Variants in SLC6A16 observed in about 807,000 individuals in gnomAD.
SLC6A16 encodes solute carrier family 6 member 16.
Under a neutral mutation model 65.4 loss-of-function variants are expected in SLC6A16, and 54 were observed. That is an observed-to-expected ratio of 0.83 (90% CI 0.66 to 1.04). The LOEUF (loss-of-function observed/expected upper bound fraction) is 1.04, where lower values mean the gene tolerates loss of function less well. Among genes scored for constraint, SLC6A16 ranks in the 50% least tolerant of loss-of-function variants. The pLI, the probability that SLC6A16 is intolerant of heterozygous loss-of-function variation, is 0.00. For synonymous variants in SLC6A16, 330 were observed against 346.5 expected (o/e 0.95, Z 0.53); for missense variants, 816 against 914.0 (o/e 0.89, Z 1.38).
chr19:49,325,938 T>C (rs1600659407), upstream of SLC6A16, among the ~76,000 whole-genome samples: 2 of 151,232 alleles, frequency 1.3e-5, no homozygotes, highest in South Asian at 4.2e-4. Context: ...CCAAGGCGGG[T>C]GGATCACGAG....
Position 49,309,733 on chromosome 19 carries a change from A to G in SLC6A16, c.794T>C (p.Val265Ala). The G allele has an allele frequency of 1.2e-6, 2 of 1,613,712 alleles. No homozygotes were observed. The highest frequency in any genetic ancestry group is 1.7e-6 in the Non-Finnish European group (2 of 1,179,654). ...SDRIEDGGSP[V>A]YSLVLPFFLC... is the part of the protein sequence containing the mutation. ...AAAGAAGGGCAGGACCAGACTGTAG[A>G]CTGGTGACCCGCCATCCTCGATTCT... The change falls in exon 5 of 12, where the codon GTC (valine) becomes GCC (alanine). Residue 265 changes from valine to alanine, a missense_variant. Transcript: ENST00000335875.
chr19:49,304,968 T>C (rs1005660632), intron 7 of SLC6A16, among the ~76,000 whole-genome samples: 3 of 152,216 alleles, frequency 2.0e-5, no homozygotes, highest in Admixed American at 2.0e-4. Context: ...TAATTTGGCA[T>C]CATCTGTGAA....
Position 49,294,038 on chromosome 19 carries a change from G to T in SLC6A16, c.1417-10C>A. On this transcript the variant is annotated splice_polypyrimidine_tract_variant and intron_variant, in intron 8 of 11. Coordinates refer to ENST00000335875, the MANE Select transcript of SLC6A16 (RefSeq NM_014037.3). ...TTGGGCCCTCGCTAGCCTGCAAAGA[G>T]AACAAAGAGGTGTTAAAGTGTCATT... 6.2e-7 allele frequency: 1 copy of T among 1,606,396 alleles called. No individual in the cohort carries two copies. Among genetic ancestry groups the T allele is most frequent in the South Asian group, 1.1e-5 (1 of 90,996 alleles).
intron 7 of SLC6A16, among the ~76,000 whole-genome samples, chr19:49,299,064 T>C (rs987410366): frequency 5.3e-5 from 8 of 151,604 alleles, no homozygotes; most frequent in African/African-American, 1.9e-4. Flanking sequence ...GCTAACACGG[T>C]GAAACCCCGT....
chr19:49,311,948 C>CT (rs576514117), intron 1 of SLC6A16, among the ~76,000 whole-genome samples: 3,469 of 142,660 alleles, frequency 0.024, 121 homozygotes, highest in African/African-American at 0.072. Context: ...CAAAGGATTT[C>CT]TTTTTTTTTT....
chr19:49,299,667 C>G (rs1037607022), intron 7 of SLC6A16, among the ~76,000 whole-genome samples: 1 of 144,184 alleles, frequency 6.9e-6, no homozygotes, highest in African/African-American at 2.6e-5. Context: ...GATTTCAAAA[C>G]ACAGTGAAAG....
chr19:49,294,427 G>A lies in SLC6A16; in HGVS notation c.1356C>T (p.His452=), dbSNP rs751335317. ...CCTCGCGGAGAACCATGCTTTTGAT[G>A]TGCTGGGGAAGGCCACTGAGCCAGG... The part of the protein sequence containing the change: ...YNAWLSGLPQ[H]IKSMVLREVT... Residue 452 remains histidine (H), a synonymous_variant, in exon 8 of 12, where the codon CAC becomes CAT. Coordinates refer to ENST00000335875, the MANE Select transcript of SLC6A16 (RefSeq NM_014037.3). 6.2e-7 allele frequency: 1 copy of A among 1,614,166 alleles called. No homozygotes were observed. The highest frequency in any genetic ancestry group is 8.5e-7 in the Non-Finnish European group (1 of 1,180,016).
At chr19:49,304,625 C>T (rs920666404) in intron 7 of SLC6A16, among the ~76,000 whole-genome samples, 1 of 152,018 alleles carries the variant, frequency 6.6e-6, no homozygotes, top group African/African-American at 2.4e-5. Context: ...ATTAGCCAGG[C>T]GTGGTGGCAC....
Position 49,310,023 on chromosome 19 carries a change from T to C in SLC6A16, c.700+17A>G, listed in dbSNP as rs763742671. On this transcript the variant is annotated intron_variant, in intron 4 of 11. Coordinates refer to ENST00000335875, the MANE Select transcript of SLC6A16 (RefSeq NM_014037.3). ...TCTCCATTTTTCCCTTCTCCTCTTC[T>C]TTCACTTCCTCCTCACCAAAGCCAC... 1 of 1,612,872 alleles carries C rather than the reference T, an allele frequency of 6.2e-7. No homozygotes were observed. The highest frequency in any genetic ancestry group is 2.2e-5 in the East Asian group (1 of 44,878).
Position 49,309,029 on chromosome 19 carries a change from G to T in SLC6A16, c.1076C>A (p.Ser359Tyr). ...GGACTGGGGCATGTAGGAGGCTAAGGAGGCAACGGAGCCAAGGCCTATGCC... is the reference window on the plus strand; with the variant it reads ...GGACTGGGGCATGTAGGAGGCTAAGTAGGCAACGGAGCCAAGGCCTATGCC... ...NTGIGLGSVASLASYMPQSNN... is the reference protein window; with the variant it reads ...NTGIGLGSVAYLASYMPQSNN... The change falls in exon 7 of 12, where the codon TCC becomes TAC. Residue 359 changes from serine to tyrosine, a missense_variant. Coordinates refer to ENST00000335875, the MANE Select transcript of SLC6A16 (RefSeq NM_014037.3). 6.2e-7 allele frequency: 1 copy of T among 1,614,208 alleles called. No individual in the cohort carries two copies. Among genetic ancestry groups the T allele is most frequent in the Non-Finnish European group, 8.5e-7 (1 of 1,180,034 alleles).
chr19:49,309,548 GTAAA>G, intron 5 of SLC6A16, 99 bp downstream of exon 5: 1 of 1,309,542 alleles, frequency 7.6e-7, no homozygotes, highest in Non-Finnish European at 1.1e-6. Context: ...GGCTAGGGGA[GTAAA>G]AGCCAAAGGA....
Position 49,306,613 on chromosome 19 carries a change from G to A in SLC6A16, c.1229+2263C>T, listed in dbSNP as rs1012322454. The stretch of plus-strand genomic sequence containing the variant: ...GGTGGAATGCAGTGGCACAATCTCA[G>A]CTCACTGCAGCCTCCACCTCCCAGG... On this transcript the variant is annotated intron_variant, in intron 7 of 11. Transcript: ENST00000335875. 5.4e-5 allele frequency among the ~76,000 whole-genome samples: 8 copies of A among 147,082 alleles called. No individual in the cohort carries two copies. In the Admixed American group the frequency reaches 5.6e-4, roughly 10 times the overall value.
Position 49,310,111 on chromosome 19 carries a change from TAGA to T in SLC6A16, c.626_628del (p.Phe209del), listed in dbSNP as rs756643190. 1.9e-6 allele frequency: 3 copies of T among 1,613,836 alleles called. No homozygotes were observed. Among genetic ancestry groups the T allele is most frequent in the African/African-American group, 2.7e-5 (2 of 74,826 alleles). On this transcript the variant is annotated inframe_deletion, in exon 4 of 12. Coordinates refer to ENST00000335875, the MANE Select transcript of SLC6A16 (RefSeq NM_014037.3). ...GGGAAACTGGAAGGACTGGCTCATG[TAGA>T]AGATGATCCAGGAATTGACCACATT...
intron 7 of SLC6A16, among the ~76,000 whole-genome samples, chr19:49,305,592 C>CAAAAAA (rs566209079): frequency 1.9e-5 from 2 of 107,026 alleles, no homozygotes; most frequent in Non-Finnish European, 1.9e-5. Flanking sequence ...AGATCTGTCT[C>CAAAAAA]AAAAAAAAAA....
the SLC6A16 span, chr19:49,340,211 A>C: frequency 6.4e-7 from 1 of 1,558,218 alleles, no homozygotes; most frequent in African/African-American, 1.4e-5. Context: ...TCTCGCCAGC[A>C]CCCCTTCGAC....
At position 49,292,844 on chromosome 19, in the gene SLC6A16, CCA is replaced by C. The variant is rs1203861767; in HGVS notation, c.1778+377_1778+378del. ...CCTGAAGTCGTATGTGACTTGGTGCCCACACACACTCCCACTATGTGCCATCT... is the reference window on the plus strand; with the variant it reads ...CCTGAAGTCGTATGTGACTTGGTGCCCACACACTCCCACTATGTGCCATCT... On this transcript the variant is annotated intron_variant, in intron 10 of 11. Transcript: ENST00000335875. The surrounding 1 kb of genome is among the most constrained non-coding windows in gnomAD (Gnocchi z 4.3). Among the ~76,000 whole-genome samples the C allele has an allele frequency of 6.6e-6, 1 of 152,094 alleles. No individual in the cohort carries two copies. The highest frequency in any genetic ancestry group is 1.5e-5 in the Non-Finnish European group (1 of 68,032).
upstream of SLC6A16, among the ~76,000 whole-genome samples, chr19:49,326,705 C>A (rs1181848104): frequency 6.6e-6 from 1 of 152,090 alleles, no homozygotes. Context: ...CAAATAATTA[C>A]ATGATTATAA....
rs1278513377 is a variant in SLC6A16, at chr19:49,309,073, A to AC, written c.1031dup (p.Gln345SerfsTer5). 5 of 1,613,936 alleles carry AC rather than the reference A, an allele frequency of 3.1e-6. No homozygotes were observed. Among genetic ancestry groups the AC allele is most frequent in the Non-Finnish European group, 4.2e-6 (5 of 1,180,000 alleles). On this transcript the variant is annotated frameshift_variant, in exon 7 of 12. Coordinates refer to ENST00000335875, the MANE Select transcript of SLC6A16 (RefSeq NM_014037.3). LOFTEE classifies it high-confidence loss of function. The stretch of plus-strand genomic sequence containing the variant: ...CTATGCCTGTGTTAGACAAAACTTG[A>AC]CCCCCTGCTAGAGACCACACACTCA...
At chr19:49,306,805 G>C (rs761520735) in intron 7 of SLC6A16, among the ~76,000 whole-genome samples, 1 of 151,966 alleles carries the variant, frequency 6.6e-6, no homozygotes, top group Non-Finnish European at 1.5e-5. Context: ...GCCTCCCAAA[G>C]TGCTGGGATT....
Sources: gnomAD v4.1 joint callset for allele counts (sites outside exome capture counted in the v4.1 genomes callset) on GRCh38, gnomAD v4.1.1 for gene constraint, Gnocchi (gnomAD v3.1) non-coding constraint, MANE v1.5 for transcripts, NCBI Gene and HGNC (gene_info 2026-07-23, HGNC 2026-07-21) for gene names.